The following TGM6 variants were observed in gnomAD, a reference collection of about 807,000 sequenced individuals.
The protein encoded by TGM6 is transglutaminase 6.
TGM6 carries 74 observed loss-of-function variants against 77.5 expected under a neutral mutation model. The observed-to-expected ratio is 0.96, with a 90% CI of 0.79 to 1.16. The LOEUF is 1.16. Ranked by LOEUF, TGM6 falls within the 50% of genes most tolerant of loss-of-function variation. The probability of loss-of-function intolerance (pLI) is 0.00; values close to 1 mark genes in which losing one functional copy is unlikely to be tolerated. For missense variants in TGM6, 968 were observed against 940.2 expected, an observed-to-expected ratio of 1.03 and a Z score of -0.39; for synonymous variants, 383 against 378.9, an observed-to-expected ratio of 1.01 and a Z score of -0.12.
At chr20:2,396,857 G>A (rs1252897771) in intron 4 of TGM6, among the ~76,000 whole-genome samples, 3 of 152,124 alleles carry the variant, frequency 2.0e-5, no homozygotes, top group East Asian at 1.9e-4. Context: ...GGTCAGTATG[G>A]TTGTGGAAAA....
chr20:2,406,020 C>T (rs938998715), intron 9 of TGM6, among the ~76,000 whole-genome samples: 1 of 152,204 alleles, frequency 6.6e-6, no homozygotes, highest in Non-Finnish European at 1.5e-5. Flanking sequence ...TCATTTCTTG[C>T]TGAAGATACC....
At position 2,398,041 on chromosome 20, in the gene TGM6, G is replaced by A; in HGVS notation, c.667G>A (p.Ala223Thr). 1.2e-6 allele frequency: 2 copies of A among 1,614,084 alleles called. No homozygotes were observed. The highest frequency in any genetic ancestry group is 1.7e-6 in the Non-Finnish European group (2 of 1,180,010). ...NPIYVTRVIS[A>T]MVNSNNDRGV... ...CATCTACGTCACCAGGGTCATCAGT[G>A]CCATGGTGAGAAGCCCCTCCATCCC... The change falls in exon 5 of 13, where the codon GCC becomes ACC. Residue 223 changes from alanine to threonine, a missense_variant. Physicochemically the swap from Ala to Thr is moderately conservative, Grantham distance 58. Transcript: ENST00000202625.
intron 5 of TGM6, among the ~76,000 whole-genome samples, chr20:2,399,017 G>C (rs1211732561): frequency 6.6e-6 from 1 of 152,058 alleles, no homozygotes; most frequent in Non-Finnish European, 1.5e-5. Context: ...CCTGAGGACA[G>C]TGAAAGTCCT....
chr20:2,401,875 G>A (rs761414092), intron 7 of TGM6, among the ~76,000 whole-genome samples: 1 of 152,214 alleles, frequency 6.6e-6, no homozygotes, highest in Non-Finnish European at 1.5e-5. Flanking sequence ...CAAGGCTTCA[G>A]TGAATAACCT....
chr20:2,412,585 A>G (rs2084791492), intron 9 of TGM6, among the ~76,000 whole-genome samples: 1 of 152,192 alleles, frequency 6.6e-6, no homozygotes, highest in Admixed American at 6.5e-5. Context: ...GAAATTTCCA[A>G]ATTGGAAAGA....
At chr20:2,424,353 T>A (rs578240808) in intron 10 of TGM6, among the ~76,000 whole-genome samples, 61 of 152,388 alleles carry the variant, frequency 4.0e-4, no homozygotes, top group African/African-American at 1.3e-3. Flanking sequence ...AACTTGCTGT[T>A]GCTTCTACAT....
chr20:2,410,829 G>A lies in TGM6; in HGVS notation c.1337-6403G>A, dbSNP rs375662554. ...ATTAGGGGATACTATGAGCAACTGCGTGACAACATATTAGATAACTTTAGA... is the reference window on the plus strand; with the variant it reads ...ATTAGGGGATACTATGAGCAACTGCATGACAACATATTAGATAACTTTAGA... On this transcript the variant is annotated intron_variant, in intron 9 of 12. Coordinates refer to ENST00000202625, the MANE Select transcript of TGM6 (RefSeq NM_198994.3). Among the ~76,000 whole-genome samples the A allele has an allele frequency of 7.9e-5, 12 of 152,226 alleles. 1 individual carries two copies. In the South Asian group the frequency reaches 1.2e-3, roughly 16 times the overall value.
intron 10 of TGM6, among the ~76,000 whole-genome samples, chr20:2,422,527 A>C (rs1412958705): frequency 6.6e-6 from 1 of 152,240 alleles, no homozygotes; most frequent in Non-Finnish European, 1.5e-5. Context: ...TTCCCAGTGC[A>C]TATAAAAGTT....
At chr20:2,417,117 G>T in intron 9 of TGM6, 115 bp from the exon 10 acceptor site, 1 of 880,068 alleles carries the variant, frequency 1.1e-6, no homozygotes, top group Admixed American at 2.2e-5. Flanking sequence ...CAAACACAAG[G>T]CATGTGGCGC....
At chr20:2,428,682 A>G (rs2084904922) in intron 10 of TGM6, among the ~76,000 whole-genome samples, 1 of 144,842 alleles carries the variant, frequency 6.9e-6, no homozygotes, top group Non-Finnish European at 1.5e-5. Flanking sequence ...TATTATCAAT[A>G]ACATAATAAA....
intron 9 of TGM6, among the ~76,000 whole-genome samples, chr20:2,415,408 C>A (rs116787233): frequency 6.6e-6 from 1 of 152,144 alleles, no homozygotes; most frequent in Non-Finnish European, 1.5e-5. Context: ...TGGGATGGAT[C>A]CTACATTCCC....
In TGM6 at chr20:2,403,926, T is replaced by C. The variant is rs187108458; in HGVS notation, c.1336+103T>C. ...GGAGCCAGGCCTCACCCCATGTATA[T>C]GACGCTGACAGCAGCTTCCATTCAC... On this transcript the variant is annotated intron_variant, in intron 9 of 12. Coordinates refer to ENST00000202625, the MANE Select transcript of TGM6 (RefSeq NM_198994.3). 1.1e-4 allele frequency: 169 copies of C among 1,582,494 alleles called. 1 individual carries two copies. The East Asian group carries it at 3.7e-3, about 35-fold the overall frequency.
rs201300991 is a variant in TGM6 at position 2,417,253 on chromosome 20, T to C, written c.1358T>C (p.Val453Ala). The C allele has an allele frequency of 4.4e-6, 7 of 1,585,200 alleles. No homozygotes were observed. Among genetic ancestry groups the C allele is most frequent in the Non-Finnish European group, 6.0e-6 (7 of 1,167,758 alleles). Residue 453 changes from valine (V) to alanine (A), a missense_variant, in exon 10 of 13, where the codon GTG becomes GCG. By Grantham distance (64) the Val-to-Ala change is moderately conservative. Transcript: ENST00000202625. ...GCAGGGTCCCGGAAAGAGAGGCAGG[T>C]GTACAGCAAGGCGGTGAACAGGCTG... Reference protein sequence around the residue: ...YPEGSRKERQVYSKAVNRLFG... With the variant: ...YPEGSRKERQAYSKAVNRLFG...
chr20:2,392,954 C>T (rs374722853), intron 1 of TGM6, among the ~76,000 whole-genome samples: 8 of 152,158 alleles, frequency 5.3e-5, no homozygotes, highest in African/African-American at 1.7e-4. Flanking sequence ...AATCTGAATC[C>T]ATGTCAGCTG....
At chr20:2,406,056 A>C (rs916476810) in intron 9 of TGM6, among the ~76,000 whole-genome samples, 1 of 152,118 alleles carries the variant, frequency 6.6e-6, no homozygotes, top group African/African-American at 2.4e-5. Context: ...TGATTCTTTT[A>C]AACACCTACT....
At chr20:2,399,462 T>C in intron 5 of TGM6, 99 bp from the exon 6 acceptor site, 1 of 1,561,474 alleles carries the variant, frequency 6.4e-7, no homozygotes, top group African/African-American at 1.4e-5. Context: ...GTGACCCCGA[T>C]GGACCTGGTG....
intron 6 of TGM6, 127 bp from the exon 7 acceptor site, chr20:2,400,179 G>A: frequency 7.4e-7 from 1 of 1,350,380 alleles, no homozygotes; most frequent in Non-Finnish European, 1.0e-6. Context: ...TGATGAACTA[G>A]ACACACAGAC....
chr20:2,384,948 G>T (rs1373304822), intron 1 of TGM6, among the ~76,000 whole-genome samples: 2 of 152,114 alleles, frequency 1.3e-5, no homozygotes, highest in Non-Finnish European at 2.9e-5. Flanking sequence ...CCCCAGAGCT[G>T]AAAACAGGCT....
rs1568664072 is a variant in TGM6 at position 2,410,319 on chromosome 20, AAG to A, written c.1336+6498_1336+6499del. Reference sequence around the variant, plus strand: ...GGTTTGGAGAGGTTCCAGGTTGGGGAAGACATTGAGGTGCTGAGAGGGTGGCA... The same window carrying A: ...GGTTTGGAGAGGTTCCAGGTTGGGGAACATTGAGGTGCTGAGAGGGTGGCA... On this transcript the variant is annotated intron_variant, in intron 9 of 12. Transcript: ENST00000202625. Among the ~76,000 whole-genome samples the A allele has an allele frequency of 5.3e-5, 8 of 152,270 alleles. 1 individual carries two copies. The highest frequency in any genetic ancestry group is 4.1e-4 in the South Asian group (2 of 4,826).
Sources: allele counts gnomAD v4.1 joint callset (sites outside exome capture counted in the v4.1 genomes callset), GRCh38; gene constraint gnomAD v4.1.1; transcripts MANE v1.5; gene names NCBI Gene and HGNC (gene_info 2026-07-23, HGNC 2026-07-21).